Variants in ADCY2 observed in about 807,000 individuals in gnomAD.
ADCY2 encodes adenylate cyclase 2, also known as adenylate cyclase type 2.
ADCY2 carries 31 observed loss-of-function variants against 125.2 expected under a neutral mutation model. That is an observed-to-expected ratio of 0.25 (90% CI 0.19 to 0.33). The LOEUF (loss-of-function observed/expected upper bound fraction) is 0.33. Ranked by LOEUF, ADCY2 falls within the 10% of genes least tolerant of loss-of-function variation. ADCY2 has a pLI of 1.00. For missense variants in ADCY2, 904 were observed against 1,418.2 expected (o/e 0.64, Z 5.82); for synonymous variants, 512 against 548.4 (o/e 0.93, Z 0.93).
rs139328115 is a variant in ADCY2, at chr5:7,592,082, A to G, written c.571-34085A>G. On this transcript the variant is annotated intron_variant, in intron 3 of 24. Coordinates refer to ENST00000338316, the MANE Select transcript of ADCY2 (RefSeq NM_020546.3). ...GCCTTTGTTTACAGTGGCATTCACT[A>G]CTCAATTTAAACATGCGGTATGCAC... is the stretch of plus-strand genomic sequence containing the variant. 2.8e-3 allele frequency among the ~76,000 whole-genome samples: 426 copies of G among 152,188 alleles called. 1 individual carries two copies. Among genetic ancestry groups the G allele is most frequent in the African/African-American group, 9.7e-3 (405 of 41,544 alleles).
chr5:7,487,860 T>G (rs1368489106), intron 2 of ADCY2, among the ~76,000 whole-genome samples: 1 of 152,192 alleles, frequency 6.6e-6, no homozygotes, highest in Non-Finnish European at 1.5e-5. Context: ...GACCAAAATA[T>G]ACATTCTTAT....
chr5:7,667,166 T>C (rs1275152188), intron 4 of ADCY2, among the ~76,000 whole-genome samples: 2 of 152,120 alleles, frequency 1.3e-5, no homozygotes, highest in East Asian at 3.9e-4. Flanking sequence ...AGAGGATTAC[T>C]GCAGCTACTT....
intron 4 of ADCY2, among the ~76,000 whole-genome samples, chr5:7,679,568 T>G (rs985936104): frequency 1.3e-5 from 2 of 151,872 alleles, no homozygotes; most frequent in African/African-American, 4.8e-5. Flanking sequence ...GGCAGAGCAG[T>G]AGGTTGAGGA....
intron 17 of ADCY2, 62 bp downstream of exon 17, chr5:7,766,868 C>T: frequency 1.3e-6 from 2 of 1,547,878 alleles, no homozygotes; most frequent in Admixed American, 2.2e-5. Flanking sequence ...GTCTGTATAA[C>T]ATATATCCTT....
intron 2 of ADCY2, among the ~76,000 whole-genome samples, chr5:7,478,886 T>C (rs1742614768): frequency 2.0e-5 from 3 of 152,200 alleles, no homozygotes; most frequent in Admixed American, 2.0e-4. Flanking sequence ...AGCATGAATG[T>C]GCATGCTTTT....
intron 3 of ADCY2, among the ~76,000 whole-genome samples, chr5:7,536,223 T>C (rs1734806800): frequency 1.3e-5 from 2 of 152,250 alleles, no homozygotes; most frequent in Admixed American, 6.5e-5. Flanking sequence ...TGCTGAAGAT[T>C]ATCCAGACCT....
chr5:7,631,792 C>T (rs1460643498), intron 4 of ADCY2, among the ~76,000 whole-genome samples: 2 of 152,178 alleles, frequency 1.3e-5, no homozygotes, highest in African/African-American at 4.8e-5. Flanking sequence ...CTTTCTTCTT[C>T]CTGGAGGCAA....
At chr5:7,615,303 C>A (rs943052930) in intron 3 of ADCY2, among the ~76,000 whole-genome samples, 13 of 152,328 alleles carry the variant, frequency 8.5e-5, no homozygotes, top group African/African-American at 2.2e-4. Context: ...AAGGAAACTT[C>A]TGTTGCTATC....
chr5:7,471,009 G>A (rs1313844440), intron 2 of ADCY2, among the ~76,000 whole-genome samples: 1 of 151,804 alleles, frequency 6.6e-6, no homozygotes, highest in African/African-American at 2.4e-5. Context: ...TTATCAGTAA[G>A]TAATGTCCTT....
At chr5:7,670,726 G>A (rs118044719) in intron 4 of ADCY2, among the ~76,000 whole-genome samples, 3,375 of 152,212 alleles carry the variant, frequency 0.022, 392 homozygotes, top group Admixed American at 0.19. Context: ...TAAGGAGCAC[G>A]CAACCTAGAT....
At chr5:7,526,376 A>G (rs1734462935) in intron 3 of ADCY2, among the ~76,000 whole-genome samples, 1 of 152,326 alleles carries the variant, frequency 6.6e-6, no homozygotes, top group Non-Finnish European at 1.5e-5. Flanking sequence ...GCAGGTAGAG[A>G]GAAGGATAAT....
At chr5:7,698,966 G>A (rs1740985158) in intron 7 of ADCY2, among the ~76,000 whole-genome samples, 1 of 150,932 alleles carries the variant, frequency 6.6e-6, no homozygotes, top group Admixed American at 6.6e-5. Context: ...TCACCACACT[G>A]TCTGTCACAA....
chr5:7,412,126 T>G (rs1739747096), intron 1 of ADCY2, among the ~76,000 whole-genome samples: 2 of 152,176 alleles, frequency 1.3e-5, no homozygotes, highest in African/African-American at 4.8e-5. Flanking sequence ...TTCCGTTTCT[T>G]CTCTGCTTCC....
rs1417865570 is a variant in ADCY2 at position 7,601,172 on chromosome 5, A to G, written c.571-24995A>G. Among the ~76,000 whole-genome samples, 6 of 152,286 alleles carry G rather than the reference A, an allele frequency of 3.9e-5. No individual in the cohort carries two copies. In the East Asian group the frequency reaches 1.2e-3, roughly 29 times the overall value. ...GTGAAGGACGGAGCCACGTGGTCAA[A>G]GCCTTTGCCCAAGACTCAAGGCCAG... On this transcript the variant is annotated intron_variant, in intron 3 of 24. Coordinates refer to ENST00000338316, the MANE Select transcript of ADCY2 (RefSeq NM_020546.3).
chr5:7,620,194 A>G (rs1293222084), intron 3 of ADCY2, among the ~76,000 whole-genome samples: 1 of 152,228 alleles, frequency 6.6e-6, no homozygotes, highest in Non-Finnish European at 1.5e-5. Flanking sequence ...CCTGCTATTC[A>G]AAAAGACTTA....
intron 2 of ADCY2, among the ~76,000 whole-genome samples, chr5:7,422,846 T>C (rs932914991): frequency 1.3e-5 from 2 of 152,188 alleles, no homozygotes; most frequent in African/African-American, 2.4e-5. Context: ...AATAAAGGCC[T>C]CTCTTAGCCT....
intron 3 of ADCY2, among the ~76,000 whole-genome samples, chr5:7,601,590 C>T (rs1032204708): frequency 2.0e-5 from 3 of 152,170 alleles, no homozygotes; most frequent in East Asian, 1.9e-4. Flanking sequence ...ACTTCTTAAA[C>T]AATATGGCCT....
In ADCY2 at chr5:7,608,174, G is replaced by A. The variant is rs80003961; in HGVS notation, c.571-17993G>A. Among the ~76,000 whole-genome samples, 730 of 152,300 alleles carry A rather than the reference G, an allele frequency of 4.8e-3. 7 individuals are homozygous for A. The highest frequency in any genetic ancestry group is 7.9e-3 in the Non-Finnish European group (535 of 68,030). On this transcript the variant is annotated intron_variant, in intron 3 of 24. Coordinates refer to ENST00000338316, the MANE Select transcript of ADCY2 (RefSeq NM_020546.3). The stretch of plus-strand genomic sequence containing the variant: ...TTTATCATGAGGAATATGACTATCC[G>A]ATAGACCAGACAGTTTATGAAACTA...
intron 3 of ADCY2, among the ~76,000 whole-genome samples, chr5:7,617,245 C>T (rs1475662349): frequency 2.0e-5 from 3 of 152,128 alleles, no homozygotes; most frequent in Admixed American, 6.5e-5. Flanking sequence ...GACTTTACAG[C>T]TTCCAGAACT....
Sources: gnomAD v4.1 joint callset for allele counts (sites outside exome capture counted in the v4.1 genomes callset) on GRCh38, gnomAD v4.1.1 for gene constraint, MANE v1.5 for transcripts, NCBI Gene and HGNC (gene_info 2026-07-23, HGNC 2026-07-21) for gene names.